Variants in TMEM272 observed in about 807,000 individuals in gnomAD.
TMEM272 encodes the protein transmembrane protein 272.
In TMEM272, 8 loss-of-function variants were observed where a neutral mutation model predicts 3.7. The observed-to-expected ratio is 2.17, with a 90% confidence interval of 1.27 to 3.91. TMEM272 has a LOEUF of 3.91. TMEM272 is among the 30% of genes most tolerant of loss of function. The pLI is 0.00. For synonymous variants in TMEM272, 63 were observed against 39.8 expected, an observed-to-expected ratio of 1.58 and a Z score of -2.20; for missense variants, 166 against 91.5, an observed-to-expected ratio of 1.81 and a Z score of -3.32.
intron 2 of TMEM272, among the ~76,000 whole-genome samples, chr13:51,827,720 G>A (rs747558083): frequency 1.3e-5 from 2 of 151,838 alleles, no homozygotes; most frequent in African/African-American, 2.4e-5. Flanking sequence ...AATTATTTTC[G>A]GGTACCCCCA....
the TMEM272 span, among the ~76,000 whole-genome samples, chr13:51,881,788 A>G: frequency 4.1e-4 from 63 of 152,278 alleles, no homozygotes; most frequent in East Asian, 0.011. Flanking sequence ...CACCAAATCT[A>G]CCAATGCTTT....
At chr13:51,859,232 T>C in the TMEM272 span, among the ~76,000 whole-genome samples, 1 of 151,596 alleles carries the variant, frequency 6.6e-6, no homozygotes, top group Non-Finnish European at 1.5e-5. Context: ...TTGGCATTAC[T>C]AGCTGGGGTT....
the TMEM272 span, among the ~76,000 whole-genome samples, chr13:51,917,053 G>A: frequency 6.6e-6 from 1 of 152,200 alleles, no homozygotes; most frequent in Non-Finnish European, 1.5e-5. Context: ...TTAAGCCCTA[G>A]CTGCCCATCT....
At chr13:51,874,635 C>T in the TMEM272 span, among the ~76,000 whole-genome samples, 1,400 of 152,290 alleles carry the variant, frequency 9.2e-3, 27 homozygotes, top group African/African-American at 0.032. Flanking sequence ...AAAGATGCCC[C>T]CTTGATCCAT....
At chr13:51,886,859 T>C in the TMEM272 span, among the ~76,000 whole-genome samples, 1 of 152,176 alleles carries the variant, frequency 6.6e-6, no homozygotes, top group South Asian at 2.1e-4. Context: ...CTCCAGAAAG[T>C]ACTTGTTTCT....
At chr13:51,818,624 G>A (rs1022233486) in intron 4 of TMEM272, among the ~76,000 whole-genome samples, 6 of 152,170 alleles carry the variant, frequency 3.9e-5, no homozygotes, top group African/African-American at 1.2e-4. Context: ...AAACATGGGC[G>A]CAGGACCAAA....
chr13:51,824,887 A>G (rs1003956519), intron 3 of TMEM272, among the ~76,000 whole-genome samples: 1 of 152,246 alleles, frequency 6.6e-6, no homozygotes, highest in Non-Finnish European at 1.5e-5. Context: ...GGGTAGGCAG[A>G]GGGTGCGGTG....
the TMEM272 span, among the ~76,000 whole-genome samples, chr13:51,924,967 C>G: frequency 6.6e-6 from 1 of 152,182 alleles, no homozygotes; most frequent in Admixed American, 6.5e-5. Context: ...CGCTGCAGGA[C>G]TTCTCAGAAC....
the TMEM272 span, among the ~76,000 whole-genome samples, chr13:51,927,677 C>A: frequency 1.2e-3 from 185 of 152,260 alleles, no homozygotes; most frequent in East Asian, 0.031. Flanking sequence ...CAATGTGCAC[C>A]AGCATCATTC....
chr13:51,919,094 C>T, the TMEM272 span, among the ~76,000 whole-genome samples: 96 of 152,264 alleles, frequency 6.3e-4, 2 homozygotes, highest in East Asian at 0.013. Flanking sequence ...AAGGCCCTTG[C>T]TCGCCTCTGT....
the TMEM272 span, among the ~76,000 whole-genome samples, chr13:51,915,988 A>G: frequency 0.043 from 6,607 of 152,110 alleles, 496 homozygotes; most frequent in African/African-American, 0.15. Context: ...CAGGAGAATC[A>G]CTTGAACCCG....
chr13:51,845,522 G>A (rs1487696151), upstream of TMEM272, among the ~76,000 whole-genome samples: 1 of 152,096 alleles, frequency 6.6e-6, no homozygotes, highest in East Asian at 1.9e-4. Context: ...CTGAGGTAAT[G>A]AGAGGTGCCC....
chr13:51,884,477 A>T, the TMEM272 span, among the ~76,000 whole-genome samples: 1 of 152,248 alleles, frequency 6.6e-6, no homozygotes, highest in South Asian at 2.1e-4. Flanking sequence ...AATAGTTGAT[A>T]GCCCTAAAGC....
the TMEM272 span, chr13:51,909,186 G>A: frequency 7.4e-7 from 1 of 1,353,584 alleles, no homozygotes; most frequent in Non-Finnish European, 1.1e-6. Flanking sequence ...TCTTTTGTGA[G>A]CATTTTCTTT....
the TMEM272 span, among the ~76,000 whole-genome samples, chr13:51,929,518 C>T: frequency 6.6e-5 from 10 of 152,214 alleles, no homozygotes; most frequent in African/African-American, 9.6e-5. Context: ...CAGATAGACA[C>T]GGGATGGCTC....
chr13:51,854,576 G>A, the TMEM272 span, among the ~76,000 whole-genome samples: 2 of 152,178 alleles, frequency 1.3e-5, no homozygotes, highest in African/African-American at 4.8e-5. Context: ...TTCTACTTTA[G>A]AGAGGTATGG....
intron 1 of TMEM272, among the ~76,000 whole-genome samples, chr13:51,843,913 T>C (rs959545944): frequency 7.2e-5 from 11 of 152,228 alleles, no homozygotes; most frequent in African/African-American, 2.7e-4. Flanking sequence ...TATATCTCAG[T>C]GGTTCTCAAC....
In TMEM272 at chr13:51,818,459, G is replaced by A. The variant is rs570626686; in HGVS notation, c.202-1346C>T. ...AGCCTGGAGGTGAACAGAGAGAGGT[G>A]AGGACTCCTGGCAGAGATCTGGGGG... On this transcript the variant is annotated intron_variant, in intron 4 of 4. Coordinates refer to ENST00000629372, the MANE Select transcript of TMEM272 (RefSeq NM_001351003.2). Among the ~76,000 whole-genome samples, 5 of 152,318 alleles carry A rather than the reference G, an allele frequency of 3.3e-5. No homozygotes were observed. The South Asian group carries it at 1.0e-3, about 32-fold the overall frequency.
At chr13:51,852,601 C>T in the TMEM272 span, among the ~76,000 whole-genome samples, 2 of 152,130 alleles carry the variant, frequency 1.3e-5, no homozygotes, top group East Asian at 1.9e-4. Flanking sequence ...GACCCGCGGC[C>T]GGGCGCGGTG....
Sources: allele counts gnomAD v4.1 joint callset (sites outside exome capture counted in the v4.1 genomes callset), GRCh38; gene constraint gnomAD v4.1.1; transcripts MANE v1.5; gene names NCBI Gene and HGNC (gene_info 2026-07-23, HGNC 2026-07-21).